TRADD: variants seen among roughly 807,000 people sequenced by gnomAD.
The protein encoded by TRADD is TNFRSF1A associated via death domain, also known as tumor necrosis factor receptor type 1-associated DEATH domain protein.
Under a neutral mutation model 31.5 loss-of-function variants are expected in TRADD, and 14 were observed. That is an observed-to-expected ratio of 0.44 (90% CI 0.29 to 0.69). TRADD has a LOEUF of 0.69. Ranked by LOEUF, TRADD falls within the 30% of genes least tolerant of loss-of-function variation. The probability of loss-of-function intolerance (pLI) is 0.11; values close to 1 mark genes in which losing one functional copy is unlikely to be tolerated. For missense variants in TRADD, 388 were observed against 435.7 expected (o/e 0.89, Z 0.97); for synonymous variants, 220 against 215.8 (o/e 1.02, Z -0.17).
intron 2 of TRADD, chr16:67,155,890 C>T (rs1300143501): frequency 6.6e-7 from 1 of 1,522,442 alleles, no homozygotes; most frequent in Non-Finnish European, 8.8e-7. Context: ...GCCACCTAAC[C>T]CCCGCTCTCA....
At position 67,156,446 on chromosome 16, in the gene TRADD, C is replaced by T; in HGVS notation, c.151+64G>A. 6.2e-7 allele frequency: 1 copy of T among 1,600,474 alleles called. No homozygotes were observed. Among genetic ancestry groups the T allele is most frequent in the Non-Finnish European group, 8.5e-7 (1 of 1,179,248 alleles). On this transcript the variant is annotated intron_variant, in intron 2 of 4. Coordinates refer to ENST00000345057, the MANE Select transcript of TRADD (RefSeq NM_003789.4). The surrounding 1 kb of genome is among the most constrained non-coding windows in gnomAD (Gnocchi z 4.6). ...TCTTCTTCTTAAAGGTGGCTAAACC[C>T]AGGCCCACCCACAAAATGCTCCAGG...
At chr16:67,157,027 G>A (rs887999573) in intron 1 of TRADD, among the ~76,000 whole-genome samples, 4 of 152,140 alleles carry the variant, frequency 2.6e-5, no homozygotes, top group African/African-American at 4.8e-5. Flanking sequence ...TTACCAATGC[G>A]GACAAGAGAC....
Position 67,154,756 on chromosome 16 carries a change from G to A in TRADD, c.832C>T (p.Arg278Cys), listed in dbSNP as rs2030593996. 3 of 1,607,356 alleles carry A rather than the reference G, an allele frequency of 1.9e-6. No individual in the cohort carries two copies. The highest frequency in any genetic ancestry group is 1.1e-5 in the South Asian group (1 of 90,168). The change falls in exon 5 of 5, where the codon CGC (arginine) becomes TGC (cysteine). Residue 278 changes from arginine to cysteine, a missense_variant. Transcript: ENST00000345057. This position sits in a 1 kb window ranked among gnomAD's most constrained non-coding sequence, Gnocchi z 5.2. Reference sequence around the variant, plus strand: ...ACCAGGCGCTGCAGCGTGGCGCGGCGGCCCTCGGCCTGCACGAAGCGCCGC... The same window carrying A: ...ACCAGGCGCTGCAGCGTGGCGCGGCAGCCCTCGGCCTGCACGAAGCGCCGC... The part of the protein sequence containing the change: ...LLRRFVQAEG[R>C]RATLQRLVEA...
rs780055931 is a variant in TRADD at position 67,156,563 on chromosome 16, G to C, written c.98C>G (p.Ala33Gly). The change falls in exon 2 of 5, where the codon GCG (alanine) becomes GGG (glycine). Residue 33 changes from alanine (A) to glycine (G), a missense_variant. Coordinates refer to ENST00000345057, the MANE Select transcript of TRADD (RefSeq NM_003789.4). The surrounding 1 kb of genome is among the most constrained non-coding windows in gnomAD (Gnocchi z 4.6). ...LDKVVLSDAY[A>G]HPQQKVAVYR... ...CACTGCCACCTTCTGCTGGGGGTGCGCGTAGGCATCCGACAGGACCACCTT... is the reference window on the plus strand; with the variant it reads ...CACTGCCACCTTCTGCTGGGGGTGCCCGTAGGCATCCGACAGGACCACCTT... 1.9e-6 allele frequency: 3 copies of C among 1,613,906 alleles called. No homozygotes were observed. Among genetic ancestry groups the C allele is most frequent in the South Asian group, 2.2e-5 (2 of 91,078 alleles).
In TRADD at chr16:67,159,368, T is replaced by G. The variant is rs1186622071; in HGVS notation, c.-9+470A>C. Reference sequence around the variant, plus strand: ...GGGGGCAGCCCCACCTCTGGCTGGGTGGACAGAGACAGCCTGTGGGCGTGG... The same window carrying G: ...GGGGGCAGCCCCACCTCTGGCTGGGGGGACAGAGACAGCCTGTGGGCGTGG... On this transcript the variant is annotated intron_variant, in intron 1 of 4. Transcript: ENST00000345057. The surrounding 1 kb of genome is among the most constrained non-coding windows in gnomAD (Gnocchi z 6.8). Among the ~76,000 whole-genome samples the G allele has an allele frequency of 6.6e-6, 1 of 152,096 alleles. No individual in the cohort carries two copies. Among genetic ancestry groups the G allele is most frequent in the Non-Finnish European group, 1.5e-5 (1 of 68,002 alleles).
At position 67,156,774 on chromosome 16, in the gene TRADD, A is replaced by G; in HGVS notation, c.-8-106T>C. On this transcript the variant is annotated intron_variant, in intron 1 of 4. Transcript: ENST00000345057. This position sits in a 1 kb window ranked among gnomAD's most constrained non-coding sequence, Gnocchi z 4.6. Reference sequence around the variant, plus strand: ...AGCTGTCCCCACCACAGTAGCCTCAAGTCCCACATGGTTCAGTTGTCCCCA... The same window carrying G: ...AGCTGTCCCCACCACAGTAGCCTCAGGTCCCACATGGTTCAGTTGTCCCCA... 6.9e-7 allele frequency: 1 copy of G among 1,452,430 alleles called. No individual in the cohort carries two copies. The highest frequency in any genetic ancestry group is 9.6e-7 in the Non-Finnish European group (1 of 1,045,002). 90.0% of individuals were successfully genotyped at this position (1,452,430 alleles called of 1,614,324 possible). A position where few individuals can be genotyped will look rare whatever the true frequency, so the allele number is the denominator to read the frequency against.
Position 67,156,741 on chromosome 16 carries a change from C to A in TRADD, c.-8-73G>T, listed in dbSNP as rs2030715135. 1.3e-5 allele frequency: 20 copies of A among 1,594,774 alleles called. 1 individual carries two copies. The South Asian group carries it at 1.5e-4, about 12-fold the overall frequency. The stretch of plus-strand genomic sequence containing the variant: ...CCCTGGAGACAACTACCCAGCCCCA[C>A]GTGGTTCAGCTGTCCCCACCACAGT... On this transcript the variant is annotated intron_variant, in intron 1 of 4. Coordinates refer to ENST00000345057, the MANE Select transcript of TRADD (RefSeq NM_003789.4). This position sits in a 1 kb window ranked among gnomAD's most constrained non-coding sequence, Gnocchi z 4.6.
chr16:67,156,760 C>G lies in TRADD; in HGVS notation c.-8-92G>C. ...GCCCCACGTGGTTCAGCTGTCCCCA[C>G]CACAGTAGCCTCAAGTCCCACATGG... On this transcript the variant is annotated intron_variant, in intron 1 of 4. Transcript: ENST00000345057. This position sits in a 1 kb window ranked among gnomAD's most constrained non-coding sequence, Gnocchi z 4.6. 2.6e-6 allele frequency: 4 copies of G among 1,530,488 alleles called. No individual in the cohort carries two copies. The South Asian group carries it at 4.5e-5, about 17-fold the overall frequency. The allele number at this position is 1,530,488 out of a possible 1,614,324, so 94.8% of individuals were successfully genotyped here.
rs758253281 is a variant in TRADD at position 67,156,706 on chromosome 16, C to A, written c.-8-38G>T. The A allele has an allele frequency of 2.5e-6, 4 of 1,610,876 alleles. No homozygotes were observed. The highest frequency in any genetic ancestry group is 3.3e-5 in the Admixed American group (2 of 60,022). On this transcript the variant is annotated intron_variant, in intron 1 of 4. Transcript: ENST00000345057. This position sits in a 1 kb window ranked among gnomAD's most constrained non-coding sequence, Gnocchi z 4.6. ...ACAGTCAGGTATCCAGTTCATCCCC[C>A]CTCCCTCCACCCTGGAGACAACTAC...
Position 67,155,076 on chromosome 16 carries a change from C to T in TRADD, c.628+20G>A. On this transcript the variant is annotated intron_variant, in intron 4 of 4. Coordinates refer to ENST00000345057, the MANE Select transcript of TRADD (RefSeq NM_003789.4). ...AGACTCCAACCTCCTGGTGACCCCG[C>T]CTCTCCACCTGCGCCTCACCTACAG... is the stretch of plus-strand genomic sequence containing the variant. The T allele has an allele frequency of 3.2e-6, 5 of 1,545,138 alleles. No homozygotes were observed. Among genetic ancestry groups the T allele is most frequent in the Non-Finnish European group, 4.4e-6 (5 of 1,147,568 alleles).
In TRADD at chr16:67,155,603, T is replaced by G; in HGVS notation, c.203A>C (p.Asp68Ala). 1.3e-6 allele frequency: 2 copies of G among 1,553,000 alleles called. No individual in the cohort carries two copies. The highest frequency in any genetic ancestry group is 1.7e-6 in the Non-Finnish European group (2 of 1,156,508). ...TCGCAGCTGCACGATCAGCTGCGGG[T>G]CGCTGCGGTGGATCTTCAGCATCTG... ...VLQMLKIHRS[D>A]PQLIVQLRFC... Residue 68 changes from aspartate (D) to alanine (A), a missense_variant, in exon 3 of 5, where the codon GAC becomes GCC. Asp to Ala is a moderately radical substitution (Grantham distance 126). Transcript: ENST00000345057.
intron 4 of TRADD, 38 bp downstream of exon 4, chr16:67,155,058 A>C (rs1433836895): frequency 3.2e-6 from 4 of 1,238,876 alleles, no homozygotes; most frequent in Non-Finnish European, 4.2e-6. Context: ...CCCAGACTCC[A>C]ACCTCCTGGT....
Position 67,159,278 on chromosome 16 carries a change from A to T in TRADD, c.-9+560T>A. ...TGTGGGGCGCTTAGGTACCGACCTA[A>T]CAACTTCTGCGCCTGTTTCCAGGGA... On this transcript the variant is annotated intron_variant, in intron 1 of 4. Coordinates refer to ENST00000345057, the MANE Select transcript of TRADD (RefSeq NM_003789.4). The surrounding 1 kb of genome is among the most constrained non-coding windows in gnomAD (Gnocchi z 6.8). Among the ~76,000 whole-genome samples the T allele has an allele frequency of 6.6e-6, 1 of 152,208 alleles. No homozygotes were observed. The highest frequency in any genetic ancestry group is 1.9e-4 in the East Asian group (1 of 5,194).
rs755527855 is a variant in TRADD, at chr16:67,154,604, C to T, written c.*45G>A. On this transcript the variant is annotated 3_prime_UTR_variant, in exon 5 of 5. Coordinates refer to ENST00000345057, the MANE Select transcript of TRADD (RefSeq NM_003789.4). The surrounding 1 kb of genome is among the most constrained non-coding windows in gnomAD (Gnocchi z 5.2). ...GGTTCAGCAATAGCCGCAGAAGGAA[C>T]CCTAAGGCCATCCAGGTTCTCCAAA... 1.9e-6 allele frequency: 3 copies of T among 1,594,812 alleles called. No homozygotes were observed. The highest frequency in any genetic ancestry group is 2.3e-5 in the South Asian group (2 of 88,550).
chr16:67,157,464 A>G (rs909611767), intron 1 of TRADD, among the ~76,000 whole-genome samples: 2 of 152,172 alleles, frequency 1.3e-5, no homozygotes, highest in African/African-American at 2.4e-5. Context: ...AACTGGAAGG[A>G]AAAGGTAGCT....
intron 1 of TRADD, among the ~76,000 whole-genome samples, chr16:67,158,132 A>C (rs2030767829): frequency 6.6e-6 from 1 of 152,182 alleles, no homozygotes; most frequent in African/African-American, 2.4e-5. Flanking sequence ...TGCTGCGATT[A>C]CAGGAGTAAG....
In TRADD at chr16:67,154,574, A is replaced by C. The variant is rs560493776; in HGVS notation, c.*75T>G. 433 of 1,533,424 alleles carry C rather than the reference A, an allele frequency of 2.8e-4. 2 individuals are homozygous for C. Among genetic ancestry groups the C allele is most frequent in the Admixed American group, 1.7e-3 (91 of 52,684 alleles). 95.0% of individuals were successfully genotyped at this position (1,533,424 alleles called of 1,614,324 possible). ...TGGAGTTTCAGGGTCCCGTGGATGG[A>C]CAGGGGTTCAGCAATAGCCGCAGAA... On this transcript the variant is annotated 3_prime_UTR_variant, in exon 5 of 5. Transcript: ENST00000345057. This position sits in a 1 kb window ranked among gnomAD's most constrained non-coding sequence, Gnocchi z 5.2.
rs1482714722 is a variant in TRADD at position 67,155,598 on chromosome 16, G to T, written c.208C>A (p.Gln70Lys). The T allele has an allele frequency of 1.3e-6, 2 of 1,552,038 alleles. No individual in the cohort carries two copies. The highest frequency in any genetic ancestry group is 1.7e-6 in the Non-Finnish European group (2 of 1,156,062). ...CAGAATCGCAGCTGCACGATCAGCTGCGGGTCGCTGCGGTGGATCTTCAGC... is the reference window on the plus strand; with the variant it reads ...CAGAATCGCAGCTGCACGATCAGCTTCGGGTCGCTGCGGTGGATCTTCAGC... ...QMLKIHRSDPQLIVQLRFCGR... is the reference protein window; with the variant it reads ...QMLKIHRSDPKLIVQLRFCGR... The change falls in exon 3 of 5, where the codon CAG becomes AAG. Residue 70 changes from glutamine to lysine, a missense_variant. By Grantham distance (53) the Gln-to-Lys change is moderately conservative (BLOSUM62 1). Transcript: ENST00000345057.
intron 4 of TRADD, 29 bp downstream of exon 4, chr16:67,155,067 G>T: frequency 3.9e-6 from 6 of 1,544,584 alleles, no homozygotes; most frequent in South Asian, 1.2e-5. Context: ...CAACCTCCTG[G>T]TGACCCCGCC....
Sources: allele counts gnomAD v4.1 joint callset (sites outside exome capture counted in the v4.1 genomes callset), GRCh38; gene constraint gnomAD v4.1.1; non-coding constraint Gnocchi (gnomAD v3.1); transcripts MANE v1.5; gene names NCBI Gene and HGNC (gene_info 2026-07-23, HGNC 2026-07-21).